SESN1: variants seen among roughly 807,000 people sequenced by gnomAD.
SESN1 encodes sestrin 1, also known as sestrin-1.
Under a neutral mutation model 59.3 loss-of-function variants are expected in SESN1, and 30 were observed. The ratio of observed to expected loss-of-function variants is 0.51; its 90% confidence interval spans 0.38 to 0.69. The LOEUF (loss-of-function observed/expected upper bound fraction) is 0.69, where lower values mean the gene tolerates loss of function less well. Among genes scored for constraint, SESN1 ranks in the 30% least tolerant of loss-of-function variants. The probability of loss-of-function intolerance (pLI) is 0.00; values close to 1 mark genes in which losing one functional copy is unlikely to be tolerated. For missense variants in SESN1, 566 were observed against 673.0 expected (o/e 0.84, Z 1.76); for synonymous variants, 197 against 219.9 (o/e 0.90, Z 0.92).
intron 1 of SESN1, among the ~76,000 whole-genome samples, chr6:109,038,985 AAGG>A (rs1448479484): frequency 6.0e-4 from 90 of 151,024 alleles, no homozygotes; most frequent in South Asian, 2.5e-3. Flanking sequence ...GAAAAAGAAG[AAGG>A]AGGAGGAGGA....
In SESN1 at chr6:109,024,274, T is replaced by C. The variant is rs562031472; in HGVS notation, c.280-21931A>G. ...CTTCTTTATCTAGTTTCTAAGTCCA[T>C]AGTAACTTATTAGGGCATAGGGACT... On this transcript the variant is annotated intron_variant, in intron 1 of 9. Transcript: ENST00000436639. Among the ~76,000 whole-genome samples, 19 of 152,276 alleles carry C rather than the reference T, an allele frequency of 1.2e-4. No individual in the cohort carries two copies. In the East Asian group the frequency reaches 3.7e-3, roughly 29 times the overall value.
intron 1 of SESN1, among the ~76,000 whole-genome samples, chr6:109,084,765 A>G (rs991260342): frequency 1.3e-5 from 2 of 152,214 alleles, no homozygotes; most frequent in African/African-American, 4.8e-5. Flanking sequence ...TTTCATTACA[A>G]TCTATCAGAT....
chr6:109,058,207 C>A (rs556839361), intron 1 of SESN1, among the ~76,000 whole-genome samples: 351 of 152,242 alleles, frequency 2.3e-3, no homozygotes, highest in South Asian at 5.0e-3. Context: ...ACCTCAGCCT[C>A]CCAAGTAGCT....
chr6:109,070,708 A>G (rs1241604426), intron 1 of SESN1, among the ~76,000 whole-genome samples: 1 of 152,192 alleles, frequency 6.6e-6, no homozygotes, highest in Non-Finnish European at 1.5e-5. Context: ...AACCTAAAGG[A>G]TTTTAGTGGT....
intron 1 of SESN1, chr6:109,088,105 T>C (rs1781245453): frequency 6.6e-6 from 1 of 152,132 alleles, no homozygotes; most frequent in South Asian, 2.1e-4. Context: ...GGAAGTCTGC[T>C]AGAGGGTTTC....
chr6:109,001,841 AAGG>A (rs1433313557), intron 2 of SESN1, among the ~76,000 whole-genome samples: 1 of 152,186 alleles, frequency 6.6e-6, no homozygotes, highest in African/African-American at 2.4e-5. Flanking sequence ...CACTCAATTT[AAGG>A]AGAACTAAAA....
intron 1 of SESN1, among the ~76,000 whole-genome samples, chr6:109,016,718 GCTTT>G (rs1779933551): frequency 6.6e-6 from 1 of 151,908 alleles, no homozygotes; most frequent in Non-Finnish European, 1.5e-5. Context: ...ATCCATTCTA[GCTTT>G]CTGTTTTGCC....
intron 1 of SESN1, among the ~76,000 whole-genome samples, chr6:109,092,941 T>A (rs1381779254): frequency 6.6e-6 from 1 of 152,168 alleles, no homozygotes; most frequent in African/African-American, 2.4e-5. Flanking sequence ...CAAGTACATT[T>A]TAAATTTTAA....
intron 1 of SESN1, among the ~76,000 whole-genome samples, chr6:109,011,969 A>C (rs1779866614): frequency 6.6e-6 from 1 of 152,202 alleles, no homozygotes; most frequent in South Asian, 2.1e-4. Flanking sequence ...CATTGTGCAG[A>C]TTTAACTTTT....
chr6:109,055,745 C>T (rs1222889000), intron 1 of SESN1, among the ~76,000 whole-genome samples: 1 of 151,394 alleles, frequency 6.6e-6, no homozygotes, highest in Non-Finnish European at 1.5e-5. Flanking sequence ...GTCTAGTAAC[C>T]ATTACAAATA....
intron 1 of SESN1, among the ~76,000 whole-genome samples, chr6:109,056,885 G>C (rs371280233): frequency 1.3e-5 from 2 of 152,234 alleles, no homozygotes; most frequent in Admixed American, 6.5e-5. Context: ...CCAAGATTAG[G>C]TTATAAAAGA....
chr6:109,089,390 T>C (rs755519470), intron 1 of SESN1, among the ~76,000 whole-genome samples: 18 of 152,244 alleles, frequency 1.2e-4, no homozygotes, highest in Non-Finnish European at 2.1e-4. Flanking sequence ...TTCAATTCTA[T>C]TCTAAAGGGC....
intron 1 of SESN1, among the ~76,000 whole-genome samples, chr6:109,003,682 T>C (rs888683246): frequency 5.3e-5 from 8 of 152,228 alleles, no homozygotes; most frequent in Non-Finnish European, 1.2e-4. Flanking sequence ...AGGCACTTAA[T>C]TCACTGGTCT....
chr6:109,071,972 G>T (rs981770869), intron 1 of SESN1, among the ~76,000 whole-genome samples: 2 of 152,182 alleles, frequency 1.3e-5, no homozygotes, highest in African/African-American at 4.8e-5. Context: ...CAAGAAAAAT[G>T]CAAGTGAGTA....
At chr6:109,064,986 CTG>C (rs1329603038) in intron 1 of SESN1, among the ~76,000 whole-genome samples, 14 of 152,108 alleles carry the variant, frequency 9.2e-5, no homozygotes, top group Non-Finnish European at 1.9e-4. Flanking sequence ...AAGAATAGTA[CTG>C]TGTCCTCTTG....
intron 1 of SESN1, among the ~76,000 whole-genome samples, chr6:109,084,327 G>A (rs555307556): frequency 3.9e-5 from 6 of 152,244 alleles, no homozygotes; most frequent in South Asian, 2.1e-4. Flanking sequence ...TTGGGAGGCC[G>A]AGGCAGGCGG....
At chr6:109,026,155 A>T (rs1243111989) in intron 1 of SESN1, among the ~76,000 whole-genome samples, 1 of 152,226 alleles carries the variant, frequency 6.6e-6, no homozygotes, top group Non-Finnish European at 1.5e-5. Context: ...TATTGAGAGA[A>T]AATATCATTG....
intron 1 of SESN1, among the ~76,000 whole-genome samples, chr6:109,014,886 T>G (rs1048232778): frequency 3.9e-5 from 6 of 152,214 alleles, no homozygotes; most frequent in Non-Finnish European, 5.9e-5. Context: ...CAAATCACAC[T>G]AATTTTGTAA....
Position 108,985,203 on chromosome 6 carries a change from T to G in SESN1, c.*2341A>C, listed in dbSNP as rs1779150823. On this transcript the variant is annotated 3_prime_UTR_variant, in exon 10 of 10. Coordinates refer to ENST00000436639, the MANE Select transcript of SESN1 (RefSeq NM_014454.3). The stretch of plus-strand genomic sequence containing the variant: ...AAGTTTTACTTATCTACTTATCTCC[T>G]GGTGGTCTGTATCAAAATCAATCTC... Among the ~76,000 whole-genome samples, 1 of 152,214 alleles carries G rather than the reference T, an allele frequency of 6.6e-6. No homozygotes were observed. Among genetic ancestry groups the G allele is most frequent in the Non-Finnish European group, 1.5e-5 (1 of 68,028 alleles).
Sources: allele counts gnomAD v4.1 joint callset (sites outside exome capture counted in the v4.1 genomes callset), GRCh38; gene constraint gnomAD v4.1.1; transcripts MANE v1.5; gene names NCBI Gene and HGNC (gene_info 2026-07-23, HGNC 2026-07-21).